Variants in DNAH2 observed in about 807,000 individuals in gnomAD.
DNAH2 encodes the protein axonemal beta dynein heavy chain 2.
In DNAH2, 323 loss-of-function variants were observed where a neutral mutation model predicts 523.5. That is an observed-to-expected ratio of 0.62 (90% CI 0.56 to 0.68). DNAH2 has a LOEUF of 0.68. Ranked by LOEUF, DNAH2 falls within the 30% of genes least tolerant of loss-of-function variation. The pLI, the probability that DNAH2 is intolerant of heterozygous loss-of-function variation, is 0.00. For synonymous variants in DNAH2, 2,093 were observed against 2,177.4 expected, an observed-to-expected ratio of 0.96 and a Z score of 1.08; for missense variants, 4,907 against 5,701.5, an observed-to-expected ratio of 0.86 and a Z score of 4.49.
intron 4 of DNAH2, among the ~76,000 whole-genome samples, chr17:7,727,992 C>A (rs2074876612): frequency 6.6e-6 from 1 of 151,982 alleles, no homozygotes; most frequent in Admixed American, 6.6e-5. Context: ...CAGCAAAGAC[C>A]ACTCTACGTA....
chr17:7,754,307 T>A lies in DNAH2; in HGVS notation c.1905-2784T>A, dbSNP rs2075774424. 1 of 380,830 alleles carries A rather than the reference T, an allele frequency of 2.6e-6. No individual in the cohort carries two copies. Among genetic ancestry groups the A allele is most frequent in the Non-Finnish European group, 4.7e-6 (1 of 214,476 alleles). The allele number at this position is 380,830 out of a possible 1,614,324, so 23.6% of individuals were successfully genotyped here. Reference sequence around the variant, plus strand: ...GGTATAGGAGAGCTGGAAGAGGGCATCTGAAAGGGAAAGGAAGTTATACTA... The same window carrying A: ...GGTATAGGAGAGCTGGAAGAGGGCAACTGAAAGGGAAAGGAAGTTATACTA... On this transcript the variant is annotated intron_variant, in intron 12 of 85. Transcript: ENST00000572933. The surrounding 1 kb of genome is among the most constrained non-coding windows in gnomAD (Gnocchi z 4.6).
Position 7,763,876 on chromosome 17 carries a change from C to T in DNAH2, c.3024C>T (p.Thr1008=), listed in dbSNP as rs774217139. ...ACGTGCAGAAGGAGGAGACAGTCACCAACATCCAGTTTGTGCTGCTGGACT... is the reference window on the plus strand; with the variant it reads ...ACGTGCAGAAGGAGGAGACAGTCACTAACATCCAGTTTGTGCTGCTGGACT... ...ANNVQKEETV[T]NIQFVLLDCS... The change falls in exon 19 of 86, where the codon ACC becomes ACT. Residue 1008 remains threonine (T), a synonymous_variant. Coordinates refer to ENST00000572933, the MANE Select transcript of DNAH2 (RefSeq NM_020877.5). 5.0e-6 allele frequency: 8 copies of T among 1,614,178 alleles called. No individual in the cohort carries two copies. In the South Asian group the frequency reaches 6.6e-5, roughly 13 times the overall value.
At chr17:7,787,684 C>G in intron 42 of DNAH2, 176 bp from the exon 43 acceptor site, 2 of 780,508 alleles carry the variant, frequency 2.6e-6, no homozygotes. Context: ...TGCAGTCAGC[C>G]AAGATCACGC....
At chr17:7,766,201 C>T in intron 21 of DNAH2, 117 bp from the exon 22 acceptor site, 1 of 1,113,640 alleles carries the variant, frequency 9.0e-7, no homozygotes, top group Admixed American at 2.3e-5. Context: ...ACTCTCCTTC[C>T]CTTCCCTCTC....
At chr17:7,772,073 A>ATGGGG (rs1306438002) in intron 28 of DNAH2, among the ~76,000 whole-genome samples, 1 of 152,078 alleles carries the variant, frequency 6.6e-6, no homozygotes, top group East Asian at 1.9e-4. Flanking sequence ...GGGGTAGGGT[A>ATGGGG]TGGGGAAGAA....
Position 7,791,968 on chromosome 17 carries a change from G to A in DNAH2, c.6952G>A (p.Val2318Met). ...TGTCACCATGGTAGAGATGACATTTGTGTTCAGCATGATCTGGTCTGTGTG... is the reference window on the plus strand; with the variant it reads ...TGTCACCATGGTAGAGATGACATTTATGTTCAGCATGATCTGGTCTGTGTG... ...NYVTMVEMTF[V>M]FSMIWSVCAS... The change falls in exon 45 of 86, where the codon GTG becomes ATG. Residue 2318 changes from valine to methionine, a missense_variant. This residue lies in a region of DNAH2 where 2,806 missense variants were observed against 3,190.8 expected (regional missense o/e 0.88). Coordinates refer to ENST00000572933, the MANE Select transcript of DNAH2 (RefSeq NM_020877.5). The A allele has an allele frequency of 6.2e-7, 1 of 1,614,080 alleles. No individual in the cohort carries two copies. Among genetic ancestry groups the A allele is most frequent in the Non-Finnish European group, 8.5e-7 (1 of 1,180,006 alleles).
intron 58 of DNAH2, among the ~76,000 whole-genome samples, chr17:7,803,517 A>G (rs1224657774): frequency 6.6e-6 from 1 of 152,056 alleles, no homozygotes; most frequent in East Asian, 1.9e-4. Context: ...CAAAAATACA[A>G]AAATTAGCCA....
Position 7,754,561 on chromosome 17 carries a change from C to T in DNAH2, c.1905-2530C>T, listed in dbSNP as rs554171022. 2.1e-5 allele frequency: 29 copies of T among 1,411,954 alleles called. No individual in the cohort carries two copies. In the African/African-American group the frequency reaches 2.1e-4, roughly 10 times the overall value. 87.5% of individuals were successfully genotyped at this position (1,411,954 alleles called of 1,614,324 possible). A position where few individuals can be genotyped will look rare whatever the true frequency, so the allele number is the denominator to read the frequency against. On this transcript the variant is annotated intron_variant, in intron 12 of 85. Coordinates refer to ENST00000572933, the MANE Select transcript of DNAH2 (RefSeq NM_020877.5). This position sits in a 1 kb window ranked among gnomAD's most constrained non-coding sequence, Gnocchi z 4.6. The stretch of plus-strand genomic sequence containing the variant: ...AAGAAGGGCCTAAAGAAGATGCACA[C>T]CAACAATGCCAAGGCCATGAGTCCA...
In DNAH2 at chr17:7,759,599, A is replaced by C. The variant is rs780671329; in HGVS notation, c.2626A>C (p.Ser876Arg). ...CATTTTGAAGAATGATCTGCAAGGA[A>C]GTGTGGCACAGGTAAGAACCACTTT... ...LVILKNDLQGSVAQVEFSPTL... is the reference protein window; with the variant it reads ...LVILKNDLQGRVAQVEFSPTL... Residue 876 changes from serine to arginine, a missense_variant, in exon 16 of 86, where the codon AGT becomes CGT. Coordinates refer to ENST00000572933, the MANE Select transcript of DNAH2 (RefSeq NM_020877.5). The C allele has an allele frequency of 6.2e-7, 1 of 1,613,858 alleles. No individual in the cohort carries two copies. The highest frequency in any genetic ancestry group is 8.5e-7 in the Non-Finnish European group (1 of 1,179,854).
rs2075281890 is a variant in DNAH2 at position 7,740,564 on chromosome 17, C to T, written c.1506+15C>T. 10 of 1,610,838 alleles carry T rather than the reference C, an allele frequency of 6.2e-6. No homozygotes were observed. Among genetic ancestry groups the T allele is most frequent in the South Asian group, 1.1e-5 (1 of 90,980 alleles). Reference sequence around the variant, plus strand: ...CCTCCCGCGAGGTGCGGCTGCCCCGCGGCTTCCTCGGCTTCCCGTCCCGCG... The same window carrying T: ...CCTCCCGCGAGGTGCGGCTGCCCCGTGGCTTCCTCGGCTTCCCGTCCCGCG... On this transcript the variant is annotated intron_variant, in intron 10 of 85. Coordinates refer to ENST00000572933, the MANE Select transcript of DNAH2 (RefSeq NM_020877.5).
chr17:7,761,323 A>G (rs1469324280), intron 18 of DNAH2, among the ~76,000 whole-genome samples: 1 of 152,166 alleles, frequency 6.6e-6, no homozygotes, highest in African/African-American at 2.4e-5. Flanking sequence ...GCTGGAGTGC[A>G]GTGGTGTGGT....
At chr17:7,787,085 C>T (rs904002735) in intron 42 of DNAH2, 52 bp downstream of exon 42, 19 of 1,602,274 alleles carry the variant, frequency 1.2e-5, no homozygotes, top group Non-Finnish European at 1.3e-5. Context: ...CACCGGAGGG[C>T]GTGGGCCGGG....
At chr17:7,740,067 G>GT in intron 9 of DNAH2, 129 bp downstream of exon 9, 1 of 475,894 alleles carries the variant, frequency 2.1e-6, no homozygotes, top group Non-Finnish European at 2.9e-6. Flanking sequence ...GCGGTGGCCC[G>GT]GGGGGGGGGA....
chr17:7,787,092 C>T (rs1233540318), intron 42 of DNAH2, 59 bp downstream of exon 42: 11 of 1,592,724 alleles, frequency 6.9e-6, no homozygotes, highest in African/African-American at 2.7e-5. Flanking sequence ...GGGCGTGGGC[C>T]GGGGCTGGGG....
Position 7,792,287 on chromosome 17 carries a change from A to C in DNAH2, c.7089A>C (p.Ile2363=), listed in dbSNP as rs1470767679. 6.2e-7 allele frequency: 1 copy of C among 1,614,088 alleles called. No individual in the cohort carries two copies. The highest frequency in any genetic ancestry group is 1.1e-5 in the South Asian group (1 of 91,072). The part of the protein sequence containing the change: ...TVYEYFVDPK[I]RSWTSFEDKL... ...ATGAGTATTTTGTGGACCCCAAAAT[A>C]CGGAGTTGGACATCATTTGAGGACA... Residue 2363 remains isoleucine, a synonymous_variant, in exon 46 of 86, where the codon ATA becomes ATC. Transcript: ENST00000572933.
In DNAH2 at chr17:7,831,409, A is replaced by T; in HGVS notation, c.12479A>T (p.Asp4160Val). The change falls in exon 81 of 86, where the codon GAT becomes GTT. Residue 4160 changes from aspartate to valine, a missense_variant. Transcript: ENST00000572933. This position sits in a 1 kb window ranked among gnomAD's most constrained non-coding sequence, Gnocchi z 4.2. ...GCTCAGGTCCTTGAGTTGGCCGCTG[A>T]TGTGAAGCAGAAGATCCCTGAAATG... ...REEKVLELAA[D>V]VKQKIPEMID... The T allele has an allele frequency of 6.2e-7, 1 of 1,614,152 alleles. No homozygotes were observed. Among genetic ancestry groups the T allele is most frequent in the Non-Finnish European group, 8.5e-7 (1 of 1,180,030 alleles).
rs1473026666 is a variant in DNAH2, at chr17:7,797,512, A to G, written c.8062A>G (p.Lys2688Glu). The G allele has an allele frequency of 6.2e-7, 1 of 1,614,176 alleles. No homozygotes were observed. Among genetic ancestry groups the G allele is most frequent in the Non-Finnish European group, 8.5e-7 (1 of 1,180,038 alleles). Reference sequence around the variant, plus strand: ...CACATTTCATCATCTCTGTCCCAGCAAGCGTCCTCCTATCTTTGGTGAGCC... The same window carrying G: ...CACATTTCATCATCTCTGTCCCAGCGAGCGTCCTCCTATCTTTGGTGAGCC... ...DLTFHHLCPS[K>E]RPPIFGDFLK... Residue 2688 changes from lysine to glutamate, a missense_variant, in exon 52 of 86, where the codon AAG (lysine) becomes GAG (glutamate). Lys to Glu is a moderately conservative substitution (Grantham distance 56, BLOSUM62 1). Transcript: ENST00000572933.
Position 7,777,524 on chromosome 17 carries a change from G to T in DNAH2, c.5137G>T (p.Val1713Leu). 1 of 1,614,156 alleles carries T rather than the reference G, an allele frequency of 6.2e-7. No homozygotes were observed. The highest frequency in any genetic ancestry group is 8.5e-7 in the Non-Finnish European group (1 of 1,180,034). Residue 1713 changes from valine (V) to leucine (L), a missense_variant, in exon 33 of 86, where the codon GTG (valine) becomes TTG (leucine). Val to Leu is a conservative substitution (Grantham distance 32). Transcript: ENST00000572933. ...KIMRLKIVAL[V>L]TIEIHARDVL... ...CATGCGGCTTAAAATTGTGGCTCTG[G>T]TGACGATAGAAATTCATGCCCGGGA...
At chr17:7,766,523 G>T (rs1463222678) in intron 22 of DNAH2, 42 bp downstream of exon 22, 1 of 1,597,196 alleles carries the variant, frequency 6.3e-7, no homozygotes, top group East Asian at 2.3e-5. Flanking sequence ...TGTCGATAAG[G>T]GGCAGGGACA....
Sources: allele counts gnomAD v4.1 joint callset (sites outside exome capture counted in the v4.1 genomes callset), GRCh38; gene constraint gnomAD v4.1.1; regional missense constraint gnomAD v4.1.1; non-coding constraint Gnocchi (gnomAD v3.1); transcripts MANE v1.5; gene names NCBI Gene and HGNC (gene_info 2026-07-23, HGNC 2026-07-21).